CCDC34: variants seen among roughly 807,000 people sequenced by gnomAD.
CCDC34 encodes coiled-coil domain-containing protein 34.
Under a neutral mutation model 44.1 loss-of-function variants are expected in CCDC34, and 40 were observed. The ratio of observed to expected loss-of-function variants is 0.91; its 90% CI spans 0.70 to 1.18. The LOEUF (loss-of-function observed/expected upper bound fraction) is 1.18, where lower values mean the gene tolerates loss of function less well. Ranked by LOEUF, CCDC34 falls within the 50% of genes most tolerant of loss-of-function variation. The probability of loss-of-function intolerance (pLI) is 0.00; values close to 1 mark genes in which losing one functional copy is unlikely to be tolerated. For missense variants in CCDC34, 466 were observed against 452.3 expected (o/e 1.03, Z -0.28); for synonymous variants, 159 against 158.2 (o/e 1.01, Z -0.04).
intron 2 of CCDC34, among the ~76,000 whole-genome samples, chr11:27,352,494 T>C (rs1324008426): frequency 6.6e-6 from 1 of 152,152 alleles, no homozygotes; most frequent in Non-Finnish European, 1.5e-5. Context: ...TGTATATATG[T>C]ATGTTTATAT....
At chr11:27,339,125 G>A in intron 5 of CCDC34, 90 bp from the exon 6 acceptor site, 2 of 893,600 alleles carry the variant, frequency 2.2e-6, no homozygotes, top group South Asian at 1.6e-5. Flanking sequence ...ATGTTAAAAT[G>A]TCAAATGGAC....
chr11:27,350,516 A>T, intron 2 of CCDC34, 77 bp from the exon 3 acceptor site: 1 of 1,330,634 alleles, frequency 7.5e-7, no homozygotes, highest in Non-Finnish European at 1.0e-6. Flanking sequence ...GTCTGAGGTT[A>T]TTAACCAAAT....
chr11:27,356,713 T>G (rs1862580263), intron 2 of CCDC34, among the ~76,000 whole-genome samples: 1 of 151,658 alleles, frequency 6.6e-6, no homozygotes, highest in African/African-American at 2.4e-5. Context: ...CTATTTATTT[T>G]TTGAGTTCAT....
At position 27,338,818 on chromosome 11, in the gene CCDC34, A is replaced by G. The variant is rs1862314465; in HGVS notation, c.*3T>C. ...GATAAAAGCATGTTATTTTCCACAT[A>G]CGCTATCTTTGTATTCTGCACAGAG... On this transcript the variant is annotated 3_prime_UTR_variant, in exon 6 of 6. Coordinates refer to ENST00000328697, the MANE Select transcript of CCDC34 (RefSeq NM_030771.2). 2 of 1,606,142 alleles carry G rather than the reference A, an allele frequency of 1.2e-6. No individual in the cohort carries two copies. Among genetic ancestry groups the G allele is most frequent in the East Asian group, 2.2e-5 (1 of 44,754 alleles).
chr11:27,340,929 C>T, intron 4 of CCDC34, 92 bp from the exon 5 acceptor site: 1 of 1,199,848 alleles, frequency 8.3e-7, no homozygotes, highest in Non-Finnish European at 1.2e-6. Flanking sequence ...CCAGTAGCTT[C>T]CTACCCCAAT....
At chr11:27,340,956 T>C (rs1862349047) in intron 4 of CCDC34, 119 bp from the exon 5 acceptor site, 1 of 780,652 alleles carries the variant, frequency 1.3e-6, no homozygotes, top group African/African-American at 1.7e-5. Context: ...CTGGCCATAA[T>C]ACTGAATCAT....
intron 3 of CCDC34, among the ~76,000 whole-genome samples, chr11:27,342,645 C>A (rs1433240889): frequency 6.6e-6 from 1 of 152,096 alleles, no homozygotes; most frequent in East Asian, 1.9e-4. Flanking sequence ...TGGCCACACT[C>A]ATTTGTTTAC....
intron 1 of CCDC34, among the ~76,000 whole-genome samples, chr11:27,360,765 A>G (rs1456065302): frequency 1.3e-5 from 2 of 152,194 alleles, no homozygotes; most frequent in Non-Finnish European, 2.9e-5. Context: ...CTGAAAACAT[A>G]CTGATTGCTA....
chr11:27,341,537 CTT>C lies in CCDC34; in HGVS notation c.618_619del (p.Glu208ThrfsTer4). On this transcript the variant is annotated frameshift_variant, in exon 4 of 6. Transcript: ENST00000328697. LOFTEE classifies it high-confidence loss of function. The stretch of plus-strand genomic sequence containing the variant: ...CATTTCTTTATTAATTTTTTGTTCT[CTT>C]TCTTTTCTTTTCTTAAATAAAAATA... 4 of 1,266,276 alleles carry C rather than the reference CTT, an allele frequency of 3.2e-6. No homozygotes were observed. The highest frequency in any genetic ancestry group is 4.2e-6 in the Non-Finnish European group (4 of 942,550). 78.4% of individuals were successfully genotyped at this position (1,266,276 alleles called of 1,614,324 possible). A position where few individuals can be genotyped will look rare whatever the true frequency, so the allele number is the denominator to read the frequency against.
intron 3 of CCDC34, among the ~76,000 whole-genome samples, chr11:27,348,202 C>T (rs1590325784): frequency 1.3e-5 from 2 of 152,172 alleles, no homozygotes; most frequent in East Asian, 3.9e-4. Flanking sequence ...GTTTTGCTTT[C>T]TCCAATAGTG....
intron 3 of CCDC34, among the ~76,000 whole-genome samples, chr11:27,343,626 A>G (rs1428443730): frequency 6.6e-6 from 1 of 152,222 alleles, no homozygotes; most frequent in East Asian, 1.9e-4. Flanking sequence ...CATGTGACTC[A>G]TGACTGTCCT....
At chr11:27,345,440 C>T (rs1010327377) in intron 3 of CCDC34, among the ~76,000 whole-genome samples, 15 of 152,164 alleles carry the variant, frequency 9.9e-5, no homozygotes, top group African/African-American at 3.4e-4. Context: ...CACCACTCCA[C>T]CCACCCCACA....
chr11:27,350,100 T>G, intron 3 of CCDC34: 1 of 1,380,706 alleles, frequency 7.2e-7, no homozygotes, highest in African/African-American at 1.5e-5. Context: ...ACTTGGTGAC[T>G]GCCTGCAGGC....
At chr11:27,354,416 A>G (rs1175728846) in intron 2 of CCDC34, among the ~76,000 whole-genome samples, 2 of 152,182 alleles carry the variant, frequency 1.3e-5, no homozygotes, top group Admixed American at 6.5e-5. Context: ...TGCTTTGTAC[A>G]TATTAGTCCA....
At position 27,357,506 on chromosome 11, in the gene CCDC34, T is replaced by C; in HGVS notation, c.395A>G (p.Gln132Arg). 6.2e-7 allele frequency: 1 copy of C among 1,614,062 alleles called. No individual in the cohort carries two copies. The highest frequency in any genetic ancestry group is 2.2e-5 in the East Asian group (1 of 44,874). ...GCTTTCTGGTAAGCGCACCTGTTTCTGTTCTTCTTGGTTATTTTCTGATTC... is the reference window on the plus strand; with the variant it reads ...GCTTTCTGGTAAGCGCACCTGTTTCCGTTCTTCTTGGTTATTTTCTGATTC... ...QVESENNQEE[Q>R]KQVRLPESRL... The change falls in exon 2 of 6, where the codon CAG becomes CGG. Residue 132 changes from glutamine (Q) to arginine (R), a missense_variant. Physicochemically the swap from Gln to Arg is conservative, Grantham distance 43. Coordinates refer to ENST00000328697, the MANE Select transcript of CCDC34 (RefSeq NM_030771.2).
Position 27,350,342 on chromosome 11 carries a change from T to C in CCDC34, c.596A>G (p.Lys199Arg), listed in dbSNP as rs955895940. 1.2e-6 allele frequency: 2 copies of C among 1,614,038 alleles called. No individual in the cohort carries two copies. The highest frequency in any genetic ancestry group is 3.3e-5 in the Admixed American group (2 of 60,012). ...EEKHKEWVQKKNEQKRKEREQ... is the reference protein window; with the variant it reads ...EEKHKEWVQKRNEQKRKEREQ... ...TTTTCCCCTCCTTACTTGCTCATTC[T>C]TTTTCTGAACCCATTCCTTGTGCTT... Residue 199 changes from lysine (K) to arginine (R), a missense_variant, in exon 3 of 6, where the codon AAG becomes AGG. Transcript: ENST00000328697.
chr11:27,361,556 C>T (rs1862664778), intron 1 of CCDC34, among the ~76,000 whole-genome samples: 1 of 152,170 alleles, frequency 6.6e-6, no homozygotes, highest in African/African-American at 2.4e-5. Flanking sequence ...TCAGGTTGAT[C>T]AGAGGAGGCC....
chr11:27,351,160 C>T (rs1291952516), intron 2 of CCDC34, among the ~76,000 whole-genome samples: 1 of 152,196 alleles, frequency 6.6e-6, no homozygotes, highest in Non-Finnish European at 1.5e-5. Flanking sequence ...TCAAACTAGA[C>T]TTCACTAGGA....
rs750597370 is a variant in CCDC34, at chr11:27,363,118, G to T, written c.77C>A (p.Ser26Tyr). ...TGAGCAGGAGTCCGAGGAGGGCCGA[G>T]ACCTGGGTCTGCAGTCAGCAGAGAA... ...AGFSADCRPR[S>Y]RPSSDSCSVP... The change falls in exon 1 of 6, where the codon TCT becomes TAT. Residue 26 changes from serine (S) to tyrosine (Y), a missense_variant. Coordinates refer to ENST00000328697, the MANE Select transcript of CCDC34 (RefSeq NM_030771.2). 3 of 1,581,402 alleles carry T rather than the reference G, an allele frequency of 1.9e-6. No individual in the cohort carries two copies. The highest frequency in any genetic ancestry group is 2.3e-5 in the South Asian group (2 of 87,004).
Sources: gnomAD v4.1 joint callset for allele counts (sites outside exome capture counted in the v4.1 genomes callset) on GRCh38, gnomAD v4.1.1 for gene constraint, MANE v1.5 for transcripts, NCBI Gene and HGNC (gene_info 2026-07-23, HGNC 2026-07-21) for gene names.